The following ZNF804B variants were observed in gnomAD, a reference collection of about 807,000 sequenced individuals.
ZNF804B encodes zinc finger 804B.
Under a neutral mutation model 101.4 loss-of-function variants are expected in ZNF804B, and 80 were observed. The ratio of observed to expected loss-of-function variants is 0.79; its 90% CI spans 0.66 to 0.95. The LOEUF is 0.95. Among genes scored for constraint, ZNF804B ranks in the 40% least tolerant of loss-of-function variants. The probability of loss-of-function intolerance (pLI) is 0.00; values close to 1 mark genes in which losing one functional copy is unlikely to be tolerated. For synonymous variants in ZNF804B, 622 were observed against 558.8 expected (o/e 1.11, Z -1.59); for missense variants, 1,673 against 1,561.9 (o/e 1.07, Z -1.20).
intron 1 of ZNF804B, among the ~76,000 whole-genome samples, chr7:88,861,966 G>T (rs1460196170): frequency 6.6e-6 from 1 of 152,088 alleles, no homozygotes; most frequent in South Asian, 2.1e-4. Context: ...GGGGCTGGGG[G>T]GACCCAATGC....
At chr7:89,130,272 A>T (rs2116378460) in intron 1 of ZNF804B, among the ~76,000 whole-genome samples, 1 of 152,042 alleles carries the variant, frequency 6.6e-6, no homozygotes, top group East Asian at 1.9e-4. Flanking sequence ...TTGCCATCCT[A>T]AAAGGGACTT....
intron 1 of ZNF804B, among the ~76,000 whole-genome samples, chr7:89,168,132 C>G (rs896183067): frequency 3.9e-5 from 6 of 151,998 alleles, no homozygotes; most frequent in African/African-American, 1.4e-4. Context: ...TCCCAGTACT[C>G]TTTCTCAGAA....
intron 1 of ZNF804B, among the ~76,000 whole-genome samples, chr7:88,859,182 G>T (rs1450285607): frequency 1.3e-5 from 2 of 151,736 alleles, no homozygotes; most frequent in Non-Finnish European, 2.9e-5. Context: ...AGGAGCTATG[G>T]GTGTGCGTGC....
chr7:88,975,341 T>C (rs1410401606), intron 1 of ZNF804B, among the ~76,000 whole-genome samples: 2 of 151,432 alleles, frequency 1.3e-5, no homozygotes, highest in African/African-American at 4.8e-5. Context: ...TTTAGTCTTT[T>C]GAGGAACCTT....
chr7:89,333,343 A>C lies in ZNF804B; in HGVS notation c.381-20A>C. The C allele has an allele frequency of 7.8e-6, 12 of 1,533,826 alleles. No individual in the cohort carries two copies. Among genetic ancestry groups the C allele is most frequent in the Non-Finnish European group, 1.0e-5 (12 of 1,145,478 alleles). On this transcript the variant is annotated intron_variant, in intron 3 of 3. Transcript: ENST00000333190. ...CCAAAGCTAATCTCTTAATCATTTA[A>C]ATATTTATTGTATTTACAGTGTTTC...
intron 1 of ZNF804B, among the ~76,000 whole-genome samples, chr7:88,814,115 G>A (rs531130822): frequency 1.1e-4 from 17 of 152,106 alleles, no homozygotes; most frequent in African/African-American, 3.9e-4. Context: ...TTCTGCTCTT[G>A]GATATTGGCT....
chr7:89,274,250 G>A (rs546384323), intron 2 of ZNF804B, among the ~76,000 whole-genome samples: 138 of 143,562 alleles, frequency 9.6e-4, no homozygotes, highest in African/African-American at 3.5e-3. Context: ...ATGCTGGTGC[G>A]CTGCACCCAC....
rs991170094 is a variant in ZNF804B at position 89,018,454 on chromosome 7, A to T, written c.109-199701A>T. Among the ~76,000 whole-genome samples, 8 of 135,516 alleles carry T rather than the reference A, an allele frequency of 5.9e-5. No individual in the cohort carries two copies. In the Admixed American group the frequency reaches 6.0e-4, roughly 10 times the overall value. 88.9% of individuals were successfully genotyped at this position (135,516 alleles called of 152,430 possible). On this transcript the variant is annotated intron_variant, in intron 1 of 3. Coordinates refer to ENST00000333190, the MANE Select transcript of ZNF804B (RefSeq NM_181646.5). ...GATTGCATCCATGCTCTTCAGGAAT[A>T]TTGGTCTGTAGTTTTTATGGAGTTT...
chr7:89,081,341 A>G (rs1050437346), intron 1 of ZNF804B, among the ~76,000 whole-genome samples: 3 of 151,868 alleles, frequency 2.0e-5, no homozygotes, highest in South Asian at 2.1e-4. Context: ...GATCTCTCCA[A>G]TTAGATATAC....
At chr7:89,160,685 C>T (rs765334958) in intron 1 of ZNF804B, among the ~76,000 whole-genome samples, 1 of 151,992 alleles carries the variant, frequency 6.6e-6, no homozygotes, top group African/African-American at 2.4e-5. Flanking sequence ...AAAATAATAA[C>T]CATTTGGGAC....
chr7:88,861,960 C>T (rs909492507), intron 1 of ZNF804B, among the ~76,000 whole-genome samples: 3 of 152,096 alleles, frequency 2.0e-5, no homozygotes, highest in African/African-American at 4.8e-5. Context: ...TGTGTTGGGG[C>T]TGGGGGGACC....
intron 1 of ZNF804B, among the ~76,000 whole-genome samples, chr7:89,132,386 C>T (rs1790566884): frequency 6.6e-6 from 1 of 151,894 alleles, no homozygotes; most frequent in Non-Finnish European, 1.5e-5. Flanking sequence ...GAAAACCAGA[C>T]TGGAAGTGAG....
intron 1 of ZNF804B, among the ~76,000 whole-genome samples, chr7:88,866,137 C>T (rs1447926738): frequency 6.6e-5 from 10 of 151,966 alleles, no homozygotes; most frequent in African/African-American, 2.4e-4. Flanking sequence ...TTAATTTTAA[C>T]CTGGAAAAAA....
intron 2 of ZNF804B, among the ~76,000 whole-genome samples, chr7:89,230,371 C>A (rs1016850548): frequency 1.3e-5 from 2 of 151,740 alleles, no homozygotes; most frequent in African/African-American, 4.8e-5. Flanking sequence ...GTGACTCTGT[C>A]CCCCCAAATT....
Position 89,335,030 on chromosome 7 carries a change from G to A in ZNF804B, c.2048G>A (p.Ser683Asn). Reference protein sequence around the residue: ...FSVILKSNHISMTSKVSGCGN... With the variant: ...FSVILKSNHINMTSKVSGCGN... ...GTAATTTTGAAGAGTAACCACATCAGCATGACCAGCAAGGTTTCCGGATGT... is the reference window on the plus strand; with the variant it reads ...GTAATTTTGAAGAGTAACCACATCAACATGACCAGCAAGGTTTCCGGATGT... The change falls in exon 4 of 4, where the codon AGC becomes AAC. Residue 683 changes from serine to asparagine, a missense_variant. Coordinates refer to ENST00000333190, the MANE Select transcript of ZNF804B (RefSeq NM_181646.5). 6.2e-7 allele frequency: 1 copy of A among 1,613,820 alleles called. No individual in the cohort carries two copies. Among genetic ancestry groups the A allele is most frequent in the Non-Finnish European group, 8.5e-7 (1 of 1,179,916 alleles).
intron 2 of ZNF804B, among the ~76,000 whole-genome samples, chr7:89,257,849 G>A (rs908731225): frequency 1.3e-5 from 2 of 151,992 alleles, no homozygotes; most frequent in African/African-American, 2.4e-5. Context: ...ACTTATATGT[G>A]AGAACATGTG....
chr7:89,286,155 G>T (rs893977990), intron 2 of ZNF804B, among the ~76,000 whole-genome samples: 3 of 152,130 alleles, frequency 2.0e-5, no homozygotes, highest in African/African-American at 7.2e-5. Flanking sequence ...GAGGTGGTCT[G>T]CTTGTCCTCA....
rs144861637 is a variant in ZNF804B, at chr7:89,020,429, T to A, written c.109-197726T>A. Among the ~76,000 whole-genome samples the A allele has an allele frequency of 3.0e-3, 462 of 152,250 alleles. 2 individuals are homozygous for A. Among genetic ancestry groups the A allele is most frequent in the African/African-American group, 0.011 (438 of 41,582 alleles). The stretch of plus-strand genomic sequence containing the variant: ...TTTAAGATTTCTGCTGAGAAATCTG[T>A]TAGTGTAATGGGGATTTTCTTATAT... On this transcript the variant is annotated intron_variant, in intron 1 of 3. Transcript: ENST00000333190.
intron 1 of ZNF804B, among the ~76,000 whole-genome samples, chr7:88,925,999 G>C (rs1792791603): frequency 6.6e-6 from 1 of 152,156 alleles, no homozygotes; most frequent in Admixed American, 6.5e-5. Flanking sequence ...CCTGCCCATA[G>C]ACTGGAGTCA....
Sources: allele counts gnomAD v4.1 joint callset (sites outside exome capture counted in the v4.1 genomes callset), GRCh38; gene constraint gnomAD v4.1.1; transcripts MANE v1.5; gene names NCBI Gene and HGNC (gene_info 2026-07-23, HGNC 2026-07-21).